The following GTF2H5 variants were observed in gnomAD, a reference collection of about 807,000 sequenced individuals.
The protein encoded by GTF2H5 is general transcription factor IIH subunit 5.
A neutral mutation model predicts 7.1 loss-of-function variants in GTF2H5; 5 were observed. That is an observed-to-expected ratio of 0.71 (90% CI 0.37 to 1.49). The LOEUF (loss-of-function observed/expected upper bound fraction) is 1.49, where lower values mean the gene tolerates loss of function less well. Among genes scored for constraint, GTF2H5 ranks in the 40% most tolerant of loss-of-function variants. The pLI, the probability that GTF2H5 is intolerant of heterozygous loss-of-function variation, is 0.03. For synonymous variants in GTF2H5, 30 were observed against 31.7 expected (o/e 0.95, Z 0.18); for missense variants, 80 against 83.0 (o/e 0.96, Z 0.14).
intron 1 of GTF2H5, among the ~76,000 whole-genome samples, chr6:158,169,726 A>T (rs1449755936): frequency 1.7e-5 from 1 of 58,282 alleles, no homozygotes; most frequent in Non-Finnish European, 2.8e-5. Context: ...ATATTATATA[A>T]TATATTGTAT....
chr6:158,168,564 G>C (rs979052456), intron 1 of GTF2H5, among the ~76,000 whole-genome samples, 169 bp downstream of exon 1: 1 of 152,230 alleles, frequency 6.6e-6, no homozygotes, highest in Non-Finnish European at 1.5e-5. Context: ...GGGGCCGCAC[G>C]GCAGTCCCCC....
rs1389722073 is a variant in GTF2H5 at position 158,192,074 on chromosome 6, G to C, written c.133G>C (p.Val45Leu). ...IQDIDDTHVF[V>L]IAELVNVLQE... is the part of the protein sequence containing the mutation. ...AGACATTGATGACACTCACGTCTTT[G>C]TAATAGCAGAATTGGTTAATGTCCT... is the stretch of plus-strand genomic sequence containing the variant. The change falls in exon 3 of 3, where the codon GTA (valine) becomes CTA (leucine). Residue 45 changes from valine to leucine, a missense_variant. Transcript: ENST00000607778. 6.2e-7 allele frequency: 1 copy of C among 1,613,684 alleles called. No homozygotes were observed. The highest frequency in any genetic ancestry group is 1.3e-5 in the African/African-American group (1 of 74,916).
At chr6:158,169,805 A>G (rs1265204489) in intron 1 of GTF2H5, among the ~76,000 whole-genome samples, 3 of 110,560 alleles carry the variant, frequency 2.7e-5, no homozygotes, top group Non-Finnish European at 5.1e-5. Flanking sequence ...TATATTGTAT[A>G]TTATATATTA....
intron 2 of GTF2H5, among the ~76,000 whole-genome samples, chr6:158,179,205 A>G (rs1056582108): frequency 6.6e-5 from 10 of 152,248 alleles, no homozygotes; most frequent in Non-Finnish European, 1.3e-4. Flanking sequence ...ATTGGTCTAT[A>G]TATCTGTTTT....
chr6:158,173,096 A>T (rs887506567), intron 2 of GTF2H5, among the ~76,000 whole-genome samples: 19 of 152,260 alleles, frequency 1.2e-4, no homozygotes, highest in African/African-American at 4.3e-4. Context: ...AGAATTGTGC[A>T]TACAAAGAAT....
intron 2 of GTF2H5, chr6:158,191,067 C>A: frequency 2.7e-6 from 1 of 366,074 alleles, no homozygotes; most frequent in Non-Finnish European, 5.3e-6. Context: ...CTGTCCTTGA[C>A]ATTATCTCCT....
At chr6:158,186,956 GTTGTTTTTGTT>G (rs1776935759) in intron 2 of GTF2H5, among the ~76,000 whole-genome samples, 1 of 152,066 alleles carries the variant, frequency 6.6e-6, no homozygotes. Context: ...AGGCTTCAGA[GTTGTTTTTGTT>G]TTGTTTTGTG....
At chr6:158,176,926 C>CA (rs1562472185) in intron 2 of GTF2H5, among the ~76,000 whole-genome samples, 1 of 152,252 alleles carries the variant, frequency 6.6e-6, no homozygotes, top group East Asian at 1.9e-4. Flanking sequence ...ACAGATCACT[C>CA]ACGCTATTGT....
chr6:158,183,373 G>A (rs546888650), intron 2 of GTF2H5, among the ~76,000 whole-genome samples: 42 of 152,270 alleles, frequency 2.8e-4, no homozygotes, highest in Admixed American at 7.2e-4. Context: ...ATCCATTATC[G>A]GAGCTCAAAT....
rs1491486709 is a variant in GTF2H5 at position 158,169,557 on chromosome 6, T to TAC, written c.-34-912_-34-911insCA. Among the ~76,000 whole-genome samples, 53 of 72,700 alleles carry TAC rather than the reference T, an allele frequency of 7.3e-4. 6 individuals are homozygous for TAC. In the East Asian group the frequency reaches 9.9e-3, roughly 14 times the overall value. The allele number at this position is 72,700 out of a possible 152,430, so 47.7% of individuals were successfully genotyped here. On this transcript the variant is annotated intron_variant, in intron 1 of 2. Coordinates refer to ENST00000607778, the MANE Select transcript of GTF2H5 (RefSeq NM_207118.3). Reference sequence around the variant, plus strand: ...ATATTATATATAATATACTGTATATTATATATAATATATTGTATATTATAT... The same window carrying TAC: ...ATATTATATATAATATACTGTATATTACATATATAATATATTGTATATTATAT...
intron 1 of GTF2H5, among the ~76,000 whole-genome samples, chr6:158,169,474 T>A (rs111218755): frequency 1.7e-5 from 1 of 59,256 alleles, no homozygotes; most frequent in Non-Finnish European, 2.7e-5. Flanking sequence ...ATATTGTATA[T>A]TATATATAAT....
chr6:158,190,549 T>C, intron 2 of GTF2H5: 2 of 366,428 alleles, frequency 5.5e-6, no homozygotes, highest in South Asian at 4.1e-5. Flanking sequence ...TAAGTCAGTT[T>C]GTAAGTTAAA....
In GTF2H5 at chr6:158,198,336, T is replaced by A. The variant is rs1240142633; in HGVS notation, c.*6179T>A. ...TTTTATCTTTGCCTTCATTCTTGAATGATAATTAGTCTCGAATGTTTGGAT... is the reference window on the plus strand; with the variant it reads ...TTTTATCTTTGCCTTCATTCTTGAAAGATAATTAGTCTCGAATGTTTGGAT... On this transcript the variant is annotated 3_prime_UTR_variant, in exon 3 of 3. Coordinates refer to ENST00000607778, the MANE Select transcript of GTF2H5 (RefSeq NM_207118.3). The A allele has an allele frequency of 6.6e-6, 1 of 152,268 alleles. No homozygotes were observed. The highest frequency in any genetic ancestry group is 2.4e-5 in the African/African-American group (1 of 41,464). The allele number at this position is 152,268 out of a possible 1,614,324, so 9.4% of individuals were successfully genotyped here.
chr6:158,171,192 A>C (rs1270963176), intron 2 of GTF2H5, among the ~76,000 whole-genome samples: 1 of 152,250 alleles, frequency 6.6e-6, no homozygotes, highest in Non-Finnish European at 1.5e-5. Flanking sequence ...ATCTAATGCA[A>C]GCCACAGATA....
At chr6:158,188,535 A>G (rs1776966135) in intron 2 of GTF2H5, among the ~76,000 whole-genome samples, 2 of 152,156 alleles carry the variant, frequency 1.3e-5, no homozygotes, top group Admixed American at 1.3e-4. Context: ...TTTCTATTTT[A>G]TGTTTCCACC....
At position 158,195,156 on chromosome 6, in the gene GTF2H5, T is replaced by TA. The variant is rs1777089406; in HGVS notation, c.*3002dup. On this transcript the variant is annotated 3_prime_UTR_variant, in exon 3 of 3. Coordinates refer to ENST00000607778, the MANE Select transcript of GTF2H5 (RefSeq NM_207118.3). ...AAATTTATGACTTTTTTTTTTTTTT[T>TA]AAATAAAGTCCTAAAGGTAGCATTA... 1 of 151,726 alleles carries TA rather than the reference T, an allele frequency of 6.6e-6. No homozygotes were observed. The highest frequency in any genetic ancestry group is 2.4e-5 in the African/African-American group (1 of 41,356). The allele number at this position is 151,726 out of a possible 1,614,324, so 9.4% of individuals were successfully genotyped here.
rs1294826932 is a variant in GTF2H5 at position 158,169,801 on chromosome 6, GTATATTA to G, written c.-34-656_-34-650del. On this transcript the variant is annotated intron_variant, in intron 1 of 2. Transcript: ENST00000607778. The stretch of plus-strand genomic sequence containing the variant: ...TATTGTATATTATATATTATATATT[GTATATTA>G]TATATTATATATAAAAGTGTGTATA... 4.1e-3 allele frequency among the ~76,000 whole-genome samples: 287 copies of G among 70,726 alleles called. 13 individuals are homozygous for G. Among genetic ancestry groups the G allele is most frequent in the African/African-American group, 0.018 (269 of 15,240 alleles). The allele number at this position is 70,726 out of a possible 152,430, so 46.4% of individuals were successfully genotyped here. A position where few individuals can be genotyped will look rare whatever the true frequency, so the allele number is the denominator to read the frequency against.
chr6:158,183,184 G>A (rs1440098426), intron 2 of GTF2H5, among the ~76,000 whole-genome samples: 2 of 152,286 alleles, frequency 1.3e-5, no homozygotes, highest in East Asian at 1.9e-4. Context: ...TCCAGACCCT[G>A]TTTGCCTGGG....
chr6:158,169,474 T>TTA (rs1176892862), intron 1 of GTF2H5, among the ~76,000 whole-genome samples: 4,460 of 59,172 alleles, frequency 0.075, 800 homozygotes, highest in African/African-American at 0.25. Flanking sequence ...ATATTGTATA[T>TTA]TATATATAAT....
Sources: allele counts gnomAD v4.1 joint callset (sites outside exome capture counted in the v4.1 genomes callset), GRCh38; gene constraint gnomAD v4.1.1; transcripts MANE v1.5; gene names NCBI Gene and HGNC (gene_info 2026-07-23, HGNC 2026-07-21).